MTREX: variants seen among roughly 807,000 people sequenced by gnomAD.
The protein encoded by MTREX is exosome RNA helicase MTR4.
In MTREX, 76 loss-of-function variants were observed where a neutral mutation model predicts 135.4. That is an observed-to-expected ratio of 0.56 (90% CI 0.47 to 0.68). The LOEUF (loss-of-function observed/expected upper bound fraction) is 0.68. Ranked by LOEUF, MTREX falls within the 30% of genes least tolerant of loss-of-function variation. The pLI is 0.00. For missense variants in MTREX, 920 were observed against 1,262.1 expected, an observed-to-expected ratio of 0.73 and a Z score of 4.11; for synonymous variants, 404 against 401.6, an observed-to-expected ratio of 1.01 and a Z score of -0.07.
At position 55,397,542 on chromosome 5, in the gene MTREX, ATAAGT is replaced by A. The variant is rs771341356; in HGVS notation, c.2292+22_2292+26del. ...ATCAATACAGGTATGTGTTAATTTC[ATAAGT>A]TAAGTATAAATTTTATGTAAATACA... On this transcript the variant is annotated intron_variant, in intron 20 of 26. Coordinates refer to ENST00000230640, the MANE Select transcript of MTREX (RefSeq NM_015360.5). 37 of 1,484,190 alleles carry A rather than the reference ATAAGT, an allele frequency of 2.5e-5. No homozygotes were observed. Among genetic ancestry groups the A allele is most frequent in the Non-Finnish European group, 3.2e-5 (34 of 1,073,894 alleles). The allele number at this position is 1,484,190 out of a possible 1,614,324, so 91.9% of individuals were successfully genotyped here.
At chr5:55,360,137 T>G (rs1749983940) in intron 15 of MTREX, among the ~76,000 whole-genome samples, 1 of 152,174 alleles carries the variant, frequency 6.6e-6, no homozygotes, top group Non-Finnish European at 1.5e-5. Flanking sequence ...CAACAACTAA[T>G]TTGCTTTCTG....
intron 1 of MTREX, among the ~76,000 whole-genome samples, chr5:55,315,598 C>T (rs922633022): frequency 6.6e-6 from 1 of 152,116 alleles, no homozygotes; most frequent in African/African-American, 2.4e-5. Context: ...AGTTAATCCA[C>T]TGGAGATTAC....
chr5:55,348,979 C>T (rs1438676619), intron 11 of MTREX, among the ~76,000 whole-genome samples: 1 of 151,876 alleles, frequency 6.6e-6, no homozygotes, highest in African/African-American at 2.4e-5. Context: ...TTCCTGTGTC[C>T]TGTAATTGTT....
Position 55,322,425 on chromosome 5 carries a change from A to G in MTREX, c.233A>G (p.Lys78Arg). The stretch of plus-strand genomic sequence containing the variant: ...GGTACAGATGAACCCATTTTTGGAA[A>G]GAAGCCCAGGATAGAAGAGTCAATA... ...FEGTDEPIFG[K>R]KPRIEESITE... Residue 78 changes from lysine to arginine, a missense_variant, in exon 2 of 27, where the codon AAG becomes AGG. Lys to Arg is a conservative substitution (Grantham distance 26). Transcript: ENST00000230640. The G allele has an allele frequency of 1.9e-6, 3 of 1,610,632 alleles. No individual in the cohort carries two copies. The highest frequency in any genetic ancestry group is 2.5e-6 in the Non-Finnish European group (3 of 1,178,524).
chr5:55,410,497 T>TTTTAAG lies in MTREX; in HGVS notation c.2646-23_2646-22insAGTTTA, dbSNP rs139320115. 1.3e-5 allele frequency: 18 copies of TTTTAAG among 1,370,454 alleles called. No homozygotes were observed. In the Admixed American group the frequency reaches 3.1e-4, roughly 24 times the overall value. 84.9% of individuals were successfully genotyped at this position (1,370,454 alleles called of 1,614,324 possible). On this transcript the variant is annotated intron_variant, in intron 22 of 26. Transcript: ENST00000230640. ...GCATGTGTGTCTTTATATTCTGACA[T>TTTTAAG]TTTATTCTTTTGTTTTGCCATTGTA...
intron 15 of MTREX, among the ~76,000 whole-genome samples, chr5:55,359,146 T>C (rs1749968786): frequency 6.6e-6 from 1 of 152,220 alleles, no homozygotes; most frequent in South Asian, 2.1e-4. Context: ...CTTTACCCTA[T>C]TGATTATAAA....
intron 16 of MTREX, among the ~76,000 whole-genome samples, chr5:55,373,340 T>C (rs1342469963): frequency 6.6e-6 from 1 of 151,814 alleles, no homozygotes; most frequent in Non-Finnish European, 1.5e-5. Context: ...TTTTGTTTAA[T>C]TATATATAGT....
chr5:55,322,497 T>G (rs772868002), intron 2 of MTREX, 33 bp downstream of exon 2: 1 of 1,506,582 alleles, frequency 6.6e-7, no homozygotes, highest in South Asian at 1.3e-5. Flanking sequence ...TGTTAGTAAC[T>G]CATAATTCAG....
chr5:55,355,500 G>A (rs1032359740), intron 14 of MTREX, among the ~76,000 whole-genome samples: 4 of 152,166 alleles, frequency 2.6e-5, no homozygotes, highest in African/African-American at 4.8e-5. Context: ...GGTAATAGTG[G>A]GCTCTGCAAA....
chr5:55,361,912 G>GTTTGTTTGTTTGTTTGGT (rs57156858), intron 15 of MTREX, among the ~76,000 whole-genome samples: 2 of 150,398 alleles, frequency 1.3e-5, no homozygotes, highest in African/African-American at 4.9e-5. Flanking sequence ...TTGTTTGTTT[G>GTTTGTTTGTTTGTTTGGT]TTTGTTTTTG....
intron 13 of MTREX, among the ~76,000 whole-genome samples, chr5:55,352,822 T>TC (rs1363474366): frequency 6.6e-6 from 1 of 152,196 alleles, no homozygotes; most frequent in Non-Finnish European, 1.5e-5. Context: ...AATCACTGTG[T>TC]CATCAGTTGC....
chr5:55,315,265 A>G (rs971365744), intron 1 of MTREX, among the ~76,000 whole-genome samples: 6 of 152,178 alleles, frequency 3.9e-5, no homozygotes, highest in African/African-American at 1.4e-4. Flanking sequence ...CTCTTTATAG[A>G]CTAGGGATAT....
At chr5:55,395,764 A>G (rs1750636671) in intron 19 of MTREX, among the ~76,000 whole-genome samples, 1 of 152,210 alleles carries the variant, frequency 6.6e-6, no homozygotes, top group African/African-American at 2.4e-5. Flanking sequence ...ATAACTAGAG[A>G]AACCCAAACT....
At chr5:55,387,683 C>A (rs1047500042) in intron 18 of MTREX, among the ~76,000 whole-genome samples, 3 of 152,054 alleles carry the variant, frequency 2.0e-5, no homozygotes, top group African/African-American at 4.8e-5. Flanking sequence ...TTTTCTGACA[C>A]TGAAAATTTT....
chr5:55,349,420 C>T (rs916390002), intron 11 of MTREX, among the ~76,000 whole-genome samples, 153 bp from the exon 12 acceptor site: 3 of 152,106 alleles, frequency 2.0e-5, no homozygotes. Flanking sequence ...AACTTCTGGC[C>T]TCAAGCCAGC....
At chr5:55,335,841 T>C (rs1471033566) in intron 5 of MTREX, among the ~76,000 whole-genome samples, 1 of 152,138 alleles carries the variant, frequency 6.6e-6, no homozygotes, top group Non-Finnish European at 1.5e-5. Context: ...AAAAATTAAT[T>C]TGGAGAAAAT....
intron 17 of MTREX, 73 bp from the exon 18 acceptor site, chr5:55,379,054 T>A: frequency 1.1e-6 from 1 of 932,198 alleles, no homozygotes; most frequent in Non-Finnish European, 1.7e-6. Context: ...GTCTAGAATG[T>A]AGGTGTGAAA....
At chr5:55,394,359 C>G (rs1341091965) in intron 19 of MTREX, among the ~76,000 whole-genome samples, 1 of 152,178 alleles carries the variant, frequency 6.6e-6, no homozygotes, top group Non-Finnish European at 1.5e-5. Flanking sequence ...CCCAATGCAG[C>G]TTACAGAATG....
At chr5:55,343,546 G>C in intron 8 of MTREX, 91 bp downstream of exon 8, 1 of 1,101,480 alleles carries the variant, frequency 9.1e-7, no homozygotes, top group Non-Finnish European at 1.3e-6. Context: ...TCCTGATGTT[G>C]TCCAGAATAA....
Sources: gnomAD v4.1 joint callset for allele counts (sites outside exome capture counted in the v4.1 genomes callset) on GRCh38, gnomAD v4.1.1 for gene constraint, MANE v1.5 for transcripts, NCBI Gene and HGNC (gene_info 2026-07-23, HGNC 2026-07-21) for gene names.